Variants in CUX1 observed in about 807,000 individuals in gnomAD.
CUX1 encodes the protein protein CASP.
A neutral mutation model predicts 158.8 loss-of-function variants in CUX1; 31 were observed. The ratio of observed to expected loss-of-function variants is 0.20; its 90% CI spans 0.15 to 0.26. CUX1 has a LOEUF of 0.26. Ranked by LOEUF, CUX1 falls within the 10% of genes least tolerant of loss-of-function variation. The pLI is 1.00. For synonymous variants in CUX1, 879 were observed against 862.1 expected (o/e 1.02, Z -0.34); for missense variants, 1,589 against 2,014.6 (o/e 0.79, Z 4.04).
Position 102,250,148 on chromosome 7 carries a change from A to G in CUX1, c.*1106A>G, listed in dbSNP as rs1801344148. 3 of 985,412 alleles carry G rather than the reference A, an allele frequency of 3.0e-6. No homozygotes were observed. Among genetic ancestry groups the G allele is most frequent in the South Asian group, 9.4e-5 (2 of 21,292 alleles). The allele number at this position is 985,412 out of a possible 1,614,324, so 61.0% of individuals were successfully genotyped here. ...CCGCAGAGCACGCTGATCAGACCTCATATCTTGGAGGTTTAGGAGACAAGT... is the reference window on the plus strand; with the variant it reads ...CCGCAGAGCACGCTGATCAGACCTCGTATCTTGGAGGTTTAGGAGACAAGT... On this transcript the variant is annotated 3_prime_UTR_variant, in exon 24 of 24. Coordinates refer to ENST00000292535, the MANE Select transcript of CUX1 (RefSeq NM_181552.4).
intron 2 of CUX1, among the ~76,000 whole-genome samples, chr7:101,953,595 T>C: frequency 6.6e-6 from 1 of 152,226 alleles, no homozygotes; most frequent in East Asian, 1.9e-4. Context: ...ATGAGTTCAC[T>C]CTGGTGGTGA....
At chr7:102,269,757 CA>C (rs1791081627) in intron 14 of CUX1, among the ~76,000 whole-genome samples, 1 of 152,132 alleles carries the variant, frequency 6.6e-6, no homozygotes, top group African/African-American at 2.4e-5. Flanking sequence ...ATTTTGGTCA[CA>C]ACCATCGAAC....
At chr7:101,959,641 G>A (rs1280772829) in intron 2 of CUX1, 1 of 152,128 alleles carries the variant, frequency 6.6e-6, no homozygotes, top group Non-Finnish European at 1.5e-5. Context: ...TGATTCTATC[G>A]AGGGTGGAGT....
chr7:102,274,422 GGCCCC>G (rs1791451151), intron 16 of CUX1: 1 of 902,030 alleles, frequency 1.1e-6, no homozygotes, highest in African/African-American at 1.7e-5. Flanking sequence ...AAGAAGGTCA[GGCCCC>G]CACGCCTGCA....
At chr7:101,994,785 C>T (rs1402266869) in intron 2 of CUX1, among the ~76,000 whole-genome samples, 1 of 151,880 alleles carries the variant, frequency 6.6e-6, no homozygotes, top group African/African-American at 2.4e-5. Flanking sequence ...AGTCATCTCA[C>T]GTGTCTAGAA....
intron 4 of CUX1, among the ~76,000 whole-genome samples, chr7:102,084,965 A>T (rs1372048294): frequency 2.7e-5 from 4 of 149,684 alleles, no homozygotes; most frequent in African/African-American, 9.8e-5. Flanking sequence ...AGGGAAAAGC[A>T]TTCAGACTTT....
chr7:101,984,084 A>AAT (rs1813863534), intron 2 of CUX1, among the ~76,000 whole-genome samples: 1 of 10,796 alleles, frequency 9.3e-5, no homozygotes, highest in African/African-American at 4.4e-4. Context: ...CCCCAAAAAA[A>AAT]AAAAAATATA....
intron 8 of CUX1, among the ~76,000 whole-genome samples, chr7:102,143,440 T>C (rs1263825541): frequency 7.2e-5 from 11 of 152,078 alleles, no homozygotes; most frequent in African/African-American, 2.7e-4. Context: ...AGCTAATTTT[T>C]GTATTAATGT....
intron 2 of CUX1, among the ~76,000 whole-genome samples, chr7:102,011,132 A>T (rs1817956899): frequency 6.6e-6 from 1 of 151,984 alleles, no homozygotes; most frequent in Admixed American, 6.5e-5. Flanking sequence ...AAAAAAAAAA[A>T]GTAAAATTAT....
chr7:102,025,052 G>A (rs1304578557), intron 2 of CUX1, among the ~76,000 whole-genome samples: 2 of 152,080 alleles, frequency 1.3e-5, no homozygotes, highest in Non-Finnish European at 2.9e-5. Flanking sequence ...AGCCTCTCGC[G>A]CTGCCGGCAT....
chr7:102,255,926 C>A lies in CUX1; in HGVS notation c.*6884C>A, dbSNP rs560777759. 197 of 985,310 alleles carry A rather than the reference C, an allele frequency of 2.0e-4. No homozygotes were observed. Among genetic ancestry groups the A allele is most frequent in the Admixed American group, 9.8e-4 (16 of 16,270 alleles). 61.0% of individuals were successfully genotyped at this position (985,310 alleles called of 1,614,324 possible). A position where few individuals can be genotyped will look rare whatever the true frequency, so the allele number is the denominator to read the frequency against. ...CTGTGCAATTGAAATCATTTTTCTTCATTTTAAAAAAATAACGTATTGCAC... is the reference window on the plus strand; with the variant it reads ...CTGTGCAATTGAAATCATTTTTCTTAATTTTAAAAAAATAACGTATTGCAC... On this transcript the variant is annotated 3_prime_UTR_variant, in exon 24 of 24. Coordinates refer to ENST00000292535, the MANE Select transcript of CUX1 (RefSeq NM_181552.4).
At chr7:102,030,599 C>G (rs1199454684) in intron 3 of CUX1, among the ~76,000 whole-genome samples, 1 of 151,342 alleles carries the variant, frequency 6.6e-6, no homozygotes, top group Non-Finnish European at 1.5e-5. Flanking sequence ...CCCAAGATGT[C>G]TTTTATAACG....
At chr7:102,108,503 C>A (rs1465049827) in intron 6 of CUX1, among the ~76,000 whole-genome samples, 1 of 151,872 alleles carries the variant, frequency 6.6e-6, no homozygotes, top group Non-Finnish European at 1.5e-5. Context: ...TGCCACCAAG[C>A]CTGGCTAATT....
chr7:102,142,216 A>G (rs951746877), intron 8 of CUX1, among the ~76,000 whole-genome samples: 2 of 152,266 alleles, frequency 1.3e-5, no homozygotes, highest in East Asian at 3.9e-4. Flanking sequence ...TGTCCAAAAT[A>G]TGATTTGGCG....
intron 2 of CUX1, among the ~76,000 whole-genome samples, chr7:102,022,903 G>A (rs1344089181): frequency 6.6e-6 from 1 of 152,196 alleles, no homozygotes; most frequent in Non-Finnish European, 1.5e-5. Context: ...TGTGTAACGT[G>A]TAACTTGAAG....
At position 102,070,386 on chromosome 7, in the gene CUX1, G is replaced by C; in HGVS notation, c.237G>C (p.Leu79Phe). The C allele has an allele frequency of 6.2e-7, 1 of 1,610,904 alleles. No homozygotes were observed. The highest frequency in any genetic ancestry group is 1.3e-5 in the African/African-American group (1 of 74,782). Reference protein sequence around the residue: ...KRSKEAEAAFLNVYKRLIDVP... With the variant: ...KRSKEAEAAFFNVYKRLIDVP... Reference sequence around the variant, plus strand: ...GCAAGGAAGCTGAAGCAGCTTTCTTGAATGTCTACAAAAGATTGATTGACG... The same window carrying C: ...GCAAGGAAGCTGAAGCAGCTTTCTTCAATGTCTACAAAAGATTGATTGACG... Residue 79 changes from leucine to phenylalanine, a missense_variant, in exon 4 of 24, where the codon TTG becomes TTC. By Grantham distance (22) the Leu-to-Phe change is conservative. Around this residue, in one of 8 missense-constraint regions of CUX1, gnomAD observed 63 missense variants for 109.2 expected, o/e 0.58. Coordinates refer to ENST00000292535, the MANE Select transcript of CUX1 (RefSeq NM_181552.4).
At chr7:102,169,070 A>T (rs1586019733) in intron 9 of CUX1, among the ~76,000 whole-genome samples, 1 of 151,356 alleles carries the variant, frequency 6.6e-6, no homozygotes, top group African/African-American at 2.4e-5. Flanking sequence ...AGTAGCTGGG[A>T]TTACAGGCAT....
chr7:102,274,439 T>C (rs2132811069), intron 16 of CUX1: 1 of 714,026 alleles, frequency 1.4e-6, no homozygotes, highest in East Asian at 2.9e-5. Flanking sequence ...ACGCCTGCAA[T>C]GCAGCAGCAA....
At chr7:102,075,952 C>T (rs1554476490) in intron 4 of CUX1, among the ~76,000 whole-genome samples, 1 of 152,134 alleles carries the variant, frequency 6.6e-6, no homozygotes, top group Non-Finnish European at 1.5e-5. Context: ...CCCGCCGGCG[C>T]CCCAAGCCCA....
Sources: allele counts gnomAD v4.1 joint callset (sites outside exome capture counted in the v4.1 genomes callset), GRCh38; gene constraint gnomAD v4.1.1; regional missense constraint gnomAD v4.1.1; transcripts MANE v1.5; gene names NCBI Gene and HGNC (gene_info 2026-07-23, HGNC 2026-07-21).